Variants in METTL15 observed in about 807,000 individuals in gnomAD.
METTL15 encodes the protein methyltransferase 15, mitochondrial 12S rRNA N4-cytidine.
A neutral mutation model predicts 38.3 loss-of-function variants in METTL15; 34 were observed. The ratio of observed to expected loss-of-function variants is 0.89; its 90% CI spans 0.68 to 1.18. METTL15 has a LOEUF of 1.18. Ranked by LOEUF, METTL15 falls within the 50% of genes most tolerant of loss-of-function variation. METTL15 has a pLI of 0.00. For missense variants in METTL15, 438 were observed against 498.4 expected (o/e 0.88, Z 1.15); for synonymous variants, 162 against 170.9 (o/e 0.95, Z 0.41).
chr11:28,112,546 T>C (rs1442713369), intron 2 of METTL15, among the ~76,000 whole-genome samples: 3 of 152,170 alleles, frequency 2.0e-5, no homozygotes, highest in African/African-American at 7.2e-5. Flanking sequence ...CTTCTGCATT[T>C]TAAAGAGTTA....
intron 4 of METTL15, among the ~76,000 whole-genome samples, chr11:28,211,834 G>A (rs531525127): frequency 6.6e-6 from 1 of 152,094 alleles, no homozygotes; most frequent in South Asian, 2.1e-4. Context: ...TTGGAGCTAA[G>A]ATGGCTCTCT....
intron 5 of METTL15, among the ~76,000 whole-genome samples, chr11:28,396,177 C>T (rs1590360107): frequency 6.6e-6 from 1 of 152,154 alleles, no homozygotes; most frequent in East Asian, 1.9e-4. Flanking sequence ...CCTTTGCAAA[C>T]TGGCACAAGA....
At chr11:28,221,660 T>C (rs902583403) in intron 4 of METTL15, among the ~76,000 whole-genome samples, 1 of 152,228 alleles carries the variant, frequency 6.6e-6, no homozygotes, top group African/African-American at 2.4e-5. Flanking sequence ...TTTTCTGCTC[T>C]GTTTTTTCCC....
intron 3 of METTL15, among the ~76,000 whole-genome samples, chr11:28,208,446 C>G (rs146546120): frequency 0.033 from 5,027 of 152,100 alleles, 287 homozygotes; most frequent in African/African-American, 0.11. Context: ...ATCCTGAGTT[C>G]TAGTTTGATT....
intron 6 of METTL15, among the ~76,000 whole-genome samples, chr11:28,317,544 C>T (rs1223150030): frequency 1.3e-5 from 2 of 152,142 alleles, no homozygotes; most frequent in African/African-American, 4.8e-5. Flanking sequence ...TAATTTCATT[C>T]ACAAGCTTAA....
At chr11:28,514,201 G>A (rs77971690) in intron 6 of METTL15, among the ~76,000 whole-genome samples, 2,910 of 152,196 alleles carry the variant, frequency 0.019, 38 homozygotes, top group Middle Eastern at 0.034. Flanking sequence ...TAATTGTTTC[G>A]GGGATGGGCA....
chr11:28,346,847 T>C (rs1210780488), intron 3 of METTL15, among the ~76,000 whole-genome samples: 2 of 152,154 alleles, frequency 1.3e-5, no homozygotes, highest in African/African-American at 2.4e-5. Context: ...GAGAATTATG[T>C]ATTATTGAGG....
chr11:28,183,209 A>G (rs369816966), intron 3 of METTL15, among the ~76,000 whole-genome samples: 2 of 152,104 alleles, frequency 1.3e-5, no homozygotes, highest in East Asian at 1.9e-4. Context: ...GCAAACAGAG[A>G]CAACATGACT....
intron 3 of METTL15, among the ~76,000 whole-genome samples, chr11:28,136,376 G>T (rs911173223): frequency 3.9e-5 from 6 of 152,124 alleles, no homozygotes; most frequent in Non-Finnish European, 8.8e-5. Context: ...CTTGCTTGCT[G>T]CCATGTAAGA....
intron 6 of METTL15, among the ~76,000 whole-genome samples, chr11:28,464,655 T>C (rs1370474894): frequency 1.3e-5 from 2 of 152,206 alleles, no homozygotes; most frequent in Non-Finnish European, 2.9e-5. Context: ...AAATAGTCTA[T>C]TTTCTGTTCC....
At chr11:28,273,476 G>T (rs983952151) in intron 4 of METTL15, among the ~76,000 whole-genome samples, 1 of 151,970 alleles carries the variant, frequency 6.6e-6, no homozygotes, top group African/African-American at 2.4e-5. Context: ...AAAAGAAATT[G>T]TTAAAAGTTT....
chr11:28,132,749 G>A (rs1849380690), intron 3 of METTL15, among the ~76,000 whole-genome samples: 1 of 152,074 alleles, frequency 6.6e-6, no homozygotes. Flanking sequence ...ACAGTTGCTT[G>A]TGTTTTGTTT....
At chr11:28,179,002 G>T (rs1293981223) in intron 3 of METTL15, among the ~76,000 whole-genome samples, 11 of 151,564 alleles carry the variant, frequency 7.3e-5, no homozygotes, top group African/African-American at 2.4e-4. Flanking sequence ...CTTGCACTTT[G>T]TTTTTATACT....
chr11:28,194,381 G>A (rs962646534), intron 3 of METTL15, among the ~76,000 whole-genome samples: 3 of 151,506 alleles, frequency 2.0e-5, no homozygotes, highest in East Asian at 3.9e-4. Flanking sequence ...TGTATTTTTA[G>A]TACAGATGGA....
At chr11:28,512,970 G>A (rs748944617) in intron 6 of METTL15, among the ~76,000 whole-genome samples, 11 of 152,356 alleles carry the variant, frequency 7.2e-5, no homozygotes, top group Non-Finnish European at 1.3e-4. Context: ...TGAGGAGGAA[G>A]AGAAAGAGGA....
At chr11:28,210,115 T>C (rs1852564978) in intron 3 of METTL15, among the ~76,000 whole-genome samples, 1 of 151,954 alleles carries the variant, frequency 6.6e-6, no homozygotes, top group Non-Finnish European at 1.5e-5. Flanking sequence ...TGCTCAACTG[T>C]GACGTGACTA....
At chr11:28,481,328 A>G (rs1315568518) in intron 6 of METTL15, among the ~76,000 whole-genome samples, 1 of 152,218 alleles carries the variant, frequency 6.6e-6, no homozygotes. Flanking sequence ...ACAGGACGAT[A>G]AAAGTGTTTT....
intron 4 of METTL15, among the ~76,000 whole-genome samples, chr11:28,268,525 C>CACTG (rs1159075117): frequency 6.6e-6 from 1 of 152,060 alleles, no homozygotes; most frequent in South Asian, 2.1e-4. Context: ...TTTAAGATAA[C>CACTG]ACTGACTGTT....
intron 6 of METTL15, among the ~76,000 whole-genome samples, chr11:28,467,388 G>C (rs1275274316): frequency 1.3e-5 from 2 of 152,226 alleles, no homozygotes; most frequent in Non-Finnish European, 2.9e-5. Context: ...AGTTGACTCA[G>C]GAAGAGCTCA....
Sources: allele counts gnomAD v4.1 joint callset (sites outside exome capture counted in the v4.1 genomes callset), GRCh38; gene constraint gnomAD v4.1.1; transcripts MANE v1.5; gene names NCBI Gene and HGNC (gene_info 2026-07-23, HGNC 2026-07-21).